PARVA: variants seen among roughly 807,000 people sequenced by gnomAD.
The protein encoded by PARVA is alpha-parvin.
In PARVA, 25 loss-of-function variants were observed where a neutral mutation model predicts 52.6. That is an observed-to-expected ratio of 0.48 (90% CI 0.35 to 0.66). The LOEUF (loss-of-function observed/expected upper bound fraction) is 0.66, where lower values mean the gene tolerates loss of function less well. PARVA is among the 30% of genes least tolerant of loss of function. The probability of loss-of-function intolerance (pLI) is 0.01; values close to 1 mark genes in which losing one functional copy is unlikely to be tolerated. For missense variants in PARVA, 373 were observed against 450.9 expected, an observed-to-expected ratio of 0.83 and a Z score of 1.56; for synonymous variants, 185 against 179.1, an observed-to-expected ratio of 1.03 and a Z score of -0.26.
At chr11:12,413,434 A>G (rs954707342) in intron 1 of PARVA, among the ~76,000 whole-genome samples, 2 of 152,226 alleles carry the variant, frequency 1.3e-5, no homozygotes, top group African/African-American at 4.8e-5. Context: ...CAAAAGGATG[A>G]GAATATCTTA....
intron 1 of PARVA, among the ~76,000 whole-genome samples, chr11:12,404,728 T>C (rs1565328958): frequency 6.6e-6 from 1 of 152,308 alleles, no homozygotes; most frequent in East Asian, 1.9e-4. Context: ...CTTGAGTCAT[T>C]AGGGGTCCTG....
At chr11:12,474,524 T>G (rs190097375) in intron 3 of PARVA, among the ~76,000 whole-genome samples, 1 of 152,230 alleles carries the variant, frequency 6.6e-6, no homozygotes, top group Admixed American at 6.5e-5. Flanking sequence ...CCTATGTTCC[T>G]CCTCTTCAGC....
chr11:12,444,203 G>A (rs1187637458), intron 1 of PARVA, among the ~76,000 whole-genome samples: 2 of 152,180 alleles, frequency 1.3e-5, no homozygotes, highest in African/African-American at 4.8e-5. Flanking sequence ...GATTGTTAAT[G>A]GGAACACACA....
At chr11:12,412,857 T>C (rs1383295667) in intron 1 of PARVA, among the ~76,000 whole-genome samples, 3 of 152,218 alleles carry the variant, frequency 2.0e-5, no homozygotes, top group East Asian at 1.9e-4. Flanking sequence ...TTAATAGATA[T>C]TCCTAAGGCC....
intron 1 of PARVA, among the ~76,000 whole-genome samples, chr11:12,387,409 C>T (rs1277593961): frequency 6.6e-6 from 1 of 152,106 alleles, no homozygotes; most frequent in Non-Finnish European, 1.5e-5. Context: ...AACCAGTGCT[C>T]CCTAAAATGC....
intron 1 of PARVA, among the ~76,000 whole-genome samples, chr11:12,407,413 C>A (rs985834976): frequency 4.6e-5 from 7 of 152,274 alleles, no homozygotes; most frequent in African/African-American, 1.4e-4. Context: ...CACTGCTATT[C>A]TTTGGAGTTG....
intron 4 of PARVA, among the ~76,000 whole-genome samples, chr11:12,481,465 A>G (rs920381977): frequency 1.3e-5 from 2 of 151,722 alleles, no homozygotes; most frequent in African/African-American, 2.4e-5. Context: ...TGTTTCTCAC[A>G]TCATAAGATA....
chr11:12,427,428 A>G (rs891913169), intron 1 of PARVA, among the ~76,000 whole-genome samples: 1 of 152,202 alleles, frequency 6.6e-6, no homozygotes, highest in African/African-American at 2.4e-5. Flanking sequence ...TAGCACAGAA[A>G]AATGAAAATC....
chr11:12,464,615 C>A (rs1335343347), intron 1 of PARVA, among the ~76,000 whole-genome samples: 1 of 152,326 alleles, frequency 6.6e-6, no homozygotes, highest in South Asian at 2.1e-4. Context: ...ATTTGTAATA[C>A]AGTTAGATTC....
intron 1 of PARVA, among the ~76,000 whole-genome samples, chr11:12,441,076 A>G (rs756165100): frequency 2.0e-5 from 3 of 152,162 alleles, no homozygotes; most frequent in Admixed American, 1.3e-4. Context: ...TTTTTAAACA[A>G]TCTCCTTTAA....
intron 4 of PARVA, among the ~76,000 whole-genome samples, chr11:12,488,898 A>C (rs1035955137): frequency 6.6e-6 from 1 of 152,234 alleles, no homozygotes; most frequent in African/African-American, 2.4e-5. Flanking sequence ...AAGAACTCCC[A>C]GAGTTAAAAT....
At chr11:12,418,393 C>T (rs917369690) in intron 1 of PARVA, among the ~76,000 whole-genome samples, 8 of 152,282 alleles carry the variant, frequency 5.3e-5, no homozygotes, top group Non-Finnish European at 1.0e-4. Context: ...TAGTGGTGAC[C>T]TCTGGATCCA....
intron 7 of PARVA, among the ~76,000 whole-genome samples, chr11:12,510,000 T>C (rs553949838): frequency 6.6e-6 from 1 of 152,322 alleles, no homozygotes; most frequent in African/African-American, 2.4e-5. Flanking sequence ...TTCAGATTAT[T>C]GAACAATCTC....
intron 4 of PARVA, among the ~76,000 whole-genome samples, chr11:12,483,567 G>A (rs1368717450): frequency 6.6e-6 from 1 of 152,168 alleles, no homozygotes; most frequent in African/African-American, 2.4e-5. Context: ...ACCTGTGCAG[G>A]AAATAAAAAC....
intron 12 of PARVA, among the ~76,000 whole-genome samples, chr11:12,522,882 C>T (rs951216260): frequency 1.3e-5 from 2 of 151,218 alleles, no homozygotes; most frequent in South Asian, 2.1e-4. Context: ...TTCAAGGGCA[C>T]GTATGTTGAT....
chr11:12,413,516 C>A (rs879731907), intron 1 of PARVA, among the ~76,000 whole-genome samples: 6 of 152,160 alleles, frequency 3.9e-5, no homozygotes, highest in Non-Finnish European at 7.3e-5. Flanking sequence ...TGCTAGAATG[C>A]GATATGGTTT....
intron 1 of PARVA, among the ~76,000 whole-genome samples, chr11:12,378,382 T>C (rs962010880): frequency 1.3e-5 from 2 of 152,068 alleles, no homozygotes; most frequent in African/African-American, 2.4e-5. Context: ...CATCGAGTGT[T>C]TGTTGAATGA....
intron 1 of PARVA, among the ~76,000 whole-genome samples, chr11:12,470,329 C>T (rs1358730635): frequency 6.6e-6 from 1 of 152,226 alleles, no homozygotes; most frequent in African/African-American, 2.4e-5. Flanking sequence ...ATTTACCTAG[C>T]TCTTACCAGC....
intron 12 of PARVA, among the ~76,000 whole-genome samples, chr11:12,527,474 C>G (rs1941718775): frequency 6.6e-6 from 1 of 152,186 alleles, no homozygotes; most frequent in Admixed American, 6.5e-5. Flanking sequence ...TCCCCCTTCT[C>G]TGCTAGGCAA....
Sources: gnomAD v4.1 joint callset for allele counts (sites outside exome capture counted in the v4.1 genomes callset) on GRCh38, gnomAD v4.1.1 for gene constraint, MANE v1.5 for transcripts, NCBI Gene and HGNC (gene_info 2026-07-23, HGNC 2026-07-21) for gene names.